The following EPB41L1 variants were observed in gnomAD, a reference collection of about 807,000 sequenced individuals.
EPB41L1 encodes the protein erythrocyte membrane protein band 4.1 like 1, also known as band 4.1-like protein 1.
Under a neutral mutation model 97.8 loss-of-function variants are expected in EPB41L1, and 29 were observed. That is an observed-to-expected ratio of 0.30 (90% CI 0.22 to 0.40). EPB41L1 has a LOEUF of 0.40. EPB41L1 is among the 10% of genes least tolerant of loss of function. EPB41L1 has a pLI of 1.00. For synonymous variants in EPB41L1, 383 were observed against 459.2 expected (o/e 0.83, Z 2.12); for missense variants, 812 against 1,162.3 (o/e 0.70, Z 4.38).
At position 36,190,488 on chromosome 20, in the gene EPB41L1, G is replaced by A; in HGVS notation, c.1124+114G>A. The A allele has an allele frequency of 6.5e-7, 1 of 1,527,450 alleles. No individual in the cohort carries two copies. The highest frequency in any genetic ancestry group is 9.0e-7 in the Non-Finnish European group (1 of 1,113,786). 94.6% of individuals were successfully genotyped at this position (1,527,450 alleles called of 1,614,324 possible). A position where few individuals can be genotyped will look rare whatever the true frequency, so the allele number is the denominator to read the frequency against. The stretch of plus-strand genomic sequence containing the variant: ...GGAAAGTCCTCCACCCTTTCCCCAA[G>A]TCCCTCCCTTCCTGGACCACTTTGA... On this transcript the variant is annotated intron_variant, in intron 10 of 21. Transcript: ENST00000338074. The surrounding 1 kb of genome is among the most constrained non-coding windows in gnomAD (Gnocchi z 5.8).
chr20:36,096,782 C>G (rs2057845848), intron 1 of EPB41L1, among the ~76,000 whole-genome samples: 2 of 152,366 alleles, frequency 1.3e-5, no homozygotes, highest in South Asian at 4.1e-4. Context: ...TACTAATCTT[C>G]TTAGTGTCCC....
intron 2 of EPB41L1, among the ~76,000 whole-genome samples, chr20:36,147,067 A>G (rs915276483): frequency 6.6e-6 from 1 of 152,100 alleles, no homozygotes; most frequent in Non-Finnish European, 1.5e-5. Flanking sequence ...GGATTACCTC[A>G]GCCCGGGGAA....
chr20:36,206,259 G>A lies in EPB41L1; in HGVS notation c.1669-3229G>A, dbSNP rs1442027122. The A allele has an allele frequency of 1.4e-5, 18 of 1,289,804 alleles. No homozygotes were observed. The highest frequency in any genetic ancestry group is 1.8e-5 in the Non-Finnish European group (18 of 988,910). The allele number at this position is 1,289,804 out of a possible 1,614,324, so 79.9% of individuals were successfully genotyped here. A position where few individuals can be genotyped will look rare whatever the true frequency, so the allele number is the denominator to read the frequency against. Reference sequence around the variant, plus strand: ...GGAACCGCTGCATGTCAGATGGTCAGCCGGAGGGCCAGACAGAGCTGAGGA... The same window carrying A: ...GGAACCGCTGCATGTCAGATGGTCAACCGGAGGGCCAGACAGAGCTGAGGA... On this transcript the variant is annotated intron_variant, in intron 14 of 21. Transcript: ENST00000338074. This position sits in a 1 kb window ranked among gnomAD's most constrained non-coding sequence, Gnocchi z 5.5.
intron 1 of EPB41L1, among the ~76,000 whole-genome samples, chr20:36,100,706 CT>C (rs1388695182): frequency 6.6e-6 from 1 of 152,218 alleles, no homozygotes; most frequent in African/African-American, 2.4e-5. Context: ...ACTCTTGAGT[CT>C]TTCCTATATG....
At position 36,178,772 on chromosome 20, in the gene EPB41L1, T is replaced by C. The variant is rs546763617; in HGVS notation, c.490+100T>C. The C allele has an allele frequency of 1.2e-5, 16 of 1,313,960 alleles. No individual in the cohort carries two copies. In the East Asian group the frequency reaches 3.7e-4, roughly 30 times the overall value. The allele number at this position is 1,313,960 out of a possible 1,614,324, so 81.4% of individuals were successfully genotyped here. On this transcript the variant is annotated intron_variant, in intron 5 of 21. Coordinates refer to ENST00000338074, the MANE Select transcript of EPB41L1 (RefSeq NM_012156.2). ...TCTCTCCTCCTTTGGAAAGTGCATT[T>C]CAGGCCAGGCGTTGTGGCTCATCCC...
intron 14 of EPB41L1, among the ~76,000 whole-genome samples, chr20:36,202,720 G>T (rs2062563212): frequency 6.6e-6 from 1 of 151,714 alleles, no homozygotes; most frequent in African/African-American, 2.4e-5. Flanking sequence ...GGCTGAGGCA[G>T]GAGAATCGCT....
At chr20:36,102,040 A>ACAAAC (rs1555827195) in intron 1 of EPB41L1, among the ~76,000 whole-genome samples, 2 of 98,512 alleles carry the variant, frequency 2.0e-5, no homozygotes, top group South Asian at 7.0e-4. Flanking sequence ...ACAAAACAAA[A>ACAAAC]AAAACAAAAA....
intron 6 of EPB41L1, among the ~76,000 whole-genome samples, chr20:36,183,594 A>G (rs2061557425): frequency 6.6e-6 from 1 of 152,224 alleles, no homozygotes. Context: ...GGACACCAGG[A>G]AGGAAGTTAG....
intron 17 of EPB41L1, among the ~76,000 whole-genome samples, chr20:36,215,286 C>T (rs138512889): frequency 1.3e-5 from 2 of 152,082 alleles, no homozygotes; most frequent in East Asian, 1.9e-4. Flanking sequence ...ATCCCCAGGC[C>T]TTCTGACACC....
intron 21 of EPB41L1, among the ~76,000 whole-genome samples, chr20:36,223,669 G>A (rs2063924655): frequency 6.6e-6 from 1 of 152,072 alleles, no homozygotes; most frequent in South Asian, 2.1e-4. Context: ...GAATATTCCT[G>A]ATTTTCTATC....
In EPB41L1 at chr20:36,178,624, T is replaced by C; in HGVS notation, c.448-6T>C. The C allele has an allele frequency of 6.2e-7, 1 of 1,614,132 alleles. No individual in the cohort carries two copies. On this transcript the variant is annotated splice_region_variant and splice_polypyrimidine_tract_variant and intron_variant, in intron 4 of 21. Transcript: ENST00000338074. ...TCCCTCTGAAGATCTCTATCTTTTCTTTTAGAACTGGCTGGACCCCTCCAA... is the reference window on the plus strand; with the variant it reads ...TCCCTCTGAAGATCTCTATCTTTTCCTTTAGAACTGGCTGGACCCCTCCAA...
At chr20:36,178,392 C>T (rs1037351352) in intron 4 of EPB41L1, among the ~76,000 whole-genome samples, 10 of 152,198 alleles carry the variant, frequency 6.6e-5, no homozygotes, top group African/African-American at 2.2e-4. Flanking sequence ...ATCACCTGCT[C>T]ACTGGGACTG....
chr20:36,188,712 G>C lies in EPB41L1; in HGVS notation c.1026+213G>C, dbSNP rs183544390. Reference sequence around the variant, plus strand: ...TAACCACATATGGCCAGGTGCAGTGGCTCATGCCTGTAATTCCAGCACTTT... The same window carrying C: ...TAACCACATATGGCCAGGTGCAGTGCCTCATGCCTGTAATTCCAGCACTTT... On this transcript the variant is annotated intron_variant, in intron 9 of 21. Coordinates refer to ENST00000338074, the MANE Select transcript of EPB41L1 (RefSeq NM_012156.2). 9.5e-4 allele frequency among the ~76,000 whole-genome samples: 142 copies of C among 149,280 alleles called. 1 individual carries two copies. The highest frequency in any genetic ancestry group is 1.5e-4 in the Non-Finnish European group (10 of 67,600).
intron 1 of EPB41L1, among the ~76,000 whole-genome samples, chr20:36,164,893 T>A (rs1227285948): frequency 6.6e-6 from 1 of 151,988 alleles, no homozygotes; most frequent in East Asian, 1.9e-4. Flanking sequence ...ACGATATTGG[T>A]TAGGCTGGTC....
intron 2 of EPB41L1, among the ~76,000 whole-genome samples, chr20:36,142,843 C>G (rs956147159): frequency 6.6e-6 from 1 of 152,186 alleles, no homozygotes; most frequent in Admixed American, 6.5e-5. Flanking sequence ...GCAGTCTTGT[C>G]CCTGGTGTGA....
At chr20:36,130,071 A>G (rs751901980) in intron 2 of EPB41L1, among the ~76,000 whole-genome samples, 35 of 151,630 alleles carry the variant, frequency 2.3e-4, no homozygotes, top group Non-Finnish European at 4.7e-4. Flanking sequence ...CCTCCCAAGT[A>G]GCTGGGATTA....
intron 8 of EPB41L1, 31 bp downstream of exon 8, chr20:36,187,794 T>C: frequency 6.3e-7 from 1 of 1,597,880 alleles, no homozygotes; most frequent in Non-Finnish European, 8.6e-7. Context: ...TCCCCTAGTG[T>C]CTGGGTGGTG....
chr20:36,137,065 T>TCTTTC (rs1359157629), intron 2 of EPB41L1, among the ~76,000 whole-genome samples: 5 of 149,812 alleles, frequency 3.3e-5, no homozygotes, highest in African/African-American at 1.2e-4. Context: ...TTTTTCCTTT[T>TCTTTC]CTTTCCTTTC....
rs35320427 is a variant in EPB41L1 at position 36,109,938 on chromosome 20, GTT to G, written c.-64-2472_-64-2471del. The G allele has an allele frequency of 8.9e-3, 1,219 of 137,242 alleles. 23 individuals carry two copies. Among genetic ancestry groups the G allele is most frequent in the African/African-American group, 0.03 (1,124 of 37,518 alleles). The allele number at this position is 137,242 out of a possible 1,614,324, so 8.5% of individuals were successfully genotyped here. ...TATAACTGGAAAGGATCTTGACATT[GTT>G]TTTTTTTTTTTTTTTCTTGAGACGG... On this transcript the variant is annotated intron_variant, in intron 1 of 19. Coordinates refer to the EPB41L1 transcript ENST00000202028.
Sources: gnomAD v4.1 joint callset for allele counts (sites outside exome capture counted in the v4.1 genomes callset) on GRCh38, gnomAD v4.1.1 for gene constraint, Gnocchi (gnomAD v3.1) non-coding constraint, MANE v1.5 for transcripts, NCBI Gene and HGNC (gene_info 2026-07-23, HGNC 2026-07-21) for gene names.